The following DNAH8 variants were observed in gnomAD, a reference collection of about 807,000 sequenced individuals.
DNAH8 encodes the protein dynein axonemal heavy chain 8, also known as axonemal beta dynein heavy chain 8.
A neutral mutation model predicts 562.1 loss-of-function variants in DNAH8; 382 were observed. The observed-to-expected ratio is 0.68, with a 90% CI of 0.63 to 0.74. The LOEUF is 0.74. DNAH8 is among the 30% of genes least tolerant of loss of function. The pLI is 0.00. For missense variants in DNAH8, 5,203 were observed against 5,620.4 expected (o/e 0.93, Z 2.37); for synonymous variants, 1,881 against 1,919.4 (o/e 0.98, Z 0.52).
intron 8 of DNAH8, among the ~76,000 whole-genome samples, chr6:38,747,041 C>T (rs1262192194): frequency 6.6e-6 from 1 of 152,096 alleles, no homozygotes; most frequent in Non-Finnish European, 1.5e-5. Context: ...CTTCAGTTAA[C>T]TTGGAATTTA....
At chr6:38,874,530 CAGCTAATTTTT>C (rs1777839724) in intron 52 of DNAH8, among the ~76,000 whole-genome samples, 1 of 151,190 alleles carries the variant, frequency 6.6e-6, no homozygotes, top group African/African-American at 2.4e-5. Flanking sequence ...CCACCATGCC[CAGCTAATTTTT>C]AGATTTTTTA....
At chr6:38,760,483 G>C (rs1678678) in intron 10 of DNAH8, among the ~76,000 whole-genome samples, 14,487 of 145,710 alleles carry the variant, frequency 0.099, 1,294 homozygotes, top group East Asian at 0.45. Context: ...CATTTATCTT[G>C]TTCTACACTT....
chr6:38,906,536 G>A (rs1405066995), intron 63 of DNAH8, 129 bp downstream of exon 63: 6 of 712,638 alleles, frequency 8.4e-6, no homozygotes, highest in Admixed American at 7.3e-5. Context: ...GTTAATGTAC[G>A]AGATTTAGCA....
chr6:38,737,521 T>C (rs930430078), intron 6 of DNAH8, among the ~76,000 whole-genome samples: 4 of 151,590 alleles, frequency 2.6e-5, no homozygotes, highest in Admixed American at 2.6e-4. Context: ...AAATATATAC[T>C]TTATTATGAA....
chr6:38,742,963 C>T (rs1232361256), intron 8 of DNAH8, among the ~76,000 whole-genome samples: 4 of 145,154 alleles, frequency 2.8e-5, no homozygotes, highest in South Asian at 2.2e-4. Context: ...CCTGTTAGAT[C>T]GAGCTTGAGC....
chr6:38,716,396 A>T (rs868710390), intron 1 of DNAH8, among the ~76,000 whole-genome samples: 11 of 152,054 alleles, frequency 7.2e-5, no homozygotes, highest in South Asian at 2.1e-4. Flanking sequence ...CACTTTTCCC[A>T]AGATAGTTGT....
chr6:38,842,703 T>C lies in DNAH8; in HGVS notation c.4645T>C (p.Phe1549Leu), dbSNP rs756220469. 6.2e-7 allele frequency: 1 copy of C among 1,613,772 alleles called. No individual in the cohort carries two copies. Among genetic ancestry groups the C allele is most frequent in the African/African-American group, 1.3e-5 (1 of 75,044 alleles). The change falls in exon 35 of 93, where the codon TTT becomes CTT. Residue 1549 changes from phenylalanine (F) to leucine (L), a missense_variant. Physicochemically the swap from Phe to Leu is conservative, Grantham distance 22 (BLOSUM62 0). Around this residue, in one of 6 missense-constraint regions of DNAH8, gnomAD observed 2,176 missense variants for 2,365.1 expected, o/e 0.92. Coordinates refer to ENST00000327475, the MANE Select transcript of DNAH8 (RefSeq NM_001206927.2). Reference protein sequence around the residue: ...LPKGLKDWQAFLDLKKRIDDF... With the variant: ...LPKGLKDWQALLDLKKRIDDF... ...AAAAGGACTTAAAGATTGGCAAGCT[T>C]TTTTGGATCTCAAAAAGAGAATTGA...
At chr6:38,717,425 G>C (rs1468520324) in intron 1 of DNAH8, among the ~76,000 whole-genome samples, 1 of 152,078 alleles carries the variant, frequency 6.6e-6, no homozygotes, top group Admixed American at 6.6e-5. Context: ...CTGGGCTCAA[G>C]CTATCTTCCC....
At chr6:38,721,841 T>C (rs1005659507) in intron 1 of DNAH8, among the ~76,000 whole-genome samples, 6 of 152,228 alleles carry the variant, frequency 3.9e-5, no homozygotes, top group Non-Finnish European at 8.8e-5. Context: ...AGGCCAGGTC[T>C]GCATCTGTGT....
chr6:38,917,802 A>G, intron 69 of DNAH8, 123 bp from the exon 70 acceptor site: 1 of 715,652 alleles, frequency 1.4e-6, no homozygotes, highest in Non-Finnish European at 2.2e-6. Flanking sequence ...CAATAGTCTC[A>G]ATTTGTGTAT....
In DNAH8 at chr6:38,722,935, G is replaced by A. The variant is rs1562544899; in HGVS notation, c.126G>A (p.Pro42=). 6.8e-6 allele frequency: 11 copies of A among 1,612,650 alleles called. No individual in the cohort carries two copies. The highest frequency in any genetic ancestry group is 3.3e-5 in the Admixed American group (2 of 60,004). The change falls in exon 2 of 93, where the codon CCG becomes CCA. Residue 42 remains proline, a synonymous_variant. Transcript: ENST00000327475. ...EAPRPPTVEA[P]AEDGFSPSAE... ...CGCGCCCTCCGACAGTGGAGGCCCCGGCAGAAGATGGTTTCTCTCCTTCCG... is the reference window on the plus strand; with the variant it reads ...CGCGCCCTCCGACAGTGGAGGCCCCAGCAGAAGATGGTTTCTCTCCTTCCG...
chr6:38,794,897 TG>T (rs1770084693), intron 21 of DNAH8, among the ~76,000 whole-genome samples: 1 of 152,224 alleles, frequency 6.6e-6, no homozygotes, highest in Non-Finnish European at 1.5e-5. Context: ...AGCACTAATT[TG>T]GTGGATATAT....
At chr6:38,939,658 G>T (rs959067838) in intron 79 of DNAH8, among the ~76,000 whole-genome samples, 5 of 152,208 alleles carry the variant, frequency 3.3e-5, no homozygotes, top group Non-Finnish European at 7.3e-5. Context: ...AGGAGGGAAA[G>T]ATTACATGTG....
In DNAH8 at chr6:38,789,841, G is replaced by C. The variant is rs1289726148; in HGVS notation, c.2622G>C (p.Val874=). The stretch of plus-strand genomic sequence containing the variant: ...ATTATGATGAGTTATGTCAGGAAGT[G>C]CCTTCTGTGTTTGTCAATCTGATGA... ...LQYYDELCQE[V]PSVFVNLMTP... is the part of the protein sequence containing the mutation. The change falls in exon 19 of 93, where the codon GTG becomes GTC. Residue 874 remains valine, a synonymous_variant. Coordinates refer to ENST00000327475, the MANE Select transcript of DNAH8 (RefSeq NM_001206927.2). 2 of 1,613,338 alleles carry C rather than the reference G, an allele frequency of 1.2e-6. No homozygotes were observed. The highest frequency in any genetic ancestry group is 2.2e-5 in the East Asian group (1 of 44,816).
At chr6:38,943,988 G>A (rs1187750369) in intron 79 of DNAH8, among the ~76,000 whole-genome samples, 2 of 152,110 alleles carry the variant, frequency 1.3e-5, no homozygotes, top group Admixed American at 6.5e-5. Context: ...ATATTTTGGG[G>A]GAATAGGAAG....
intron 41 of DNAH8, among the ~76,000 whole-genome samples, chr6:38,856,437 CT>C (rs1475137242): frequency 6.6e-6 from 1 of 152,118 alleles, no homozygotes; most frequent in Non-Finnish European, 1.5e-5. Context: ...TATGCAGTGG[CT>C]TTTGGGGTCT....
chr6:38,765,045 A>G (rs1307341491), intron 11 of DNAH8, among the ~76,000 whole-genome samples: 1 of 152,220 alleles, frequency 6.6e-6, no homozygotes, highest in Non-Finnish European at 1.5e-5. Context: ...CATGTTGGCC[A>G]GGCTGGTCTT....
At chr6:38,961,121 T>C (rs2150665125) in intron 82 of DNAH8, among the ~76,000 whole-genome samples, 1 of 152,044 alleles carries the variant, frequency 6.6e-6, no homozygotes, top group African/African-American at 2.4e-5. Flanking sequence ...CTCTTGAGAA[T>C]CTAACAAATT....
intron 23 of DNAH8, among the ~76,000 whole-genome samples, chr6:38,806,086 T>G (rs537462474): frequency 6.6e-6 from 1 of 152,302 alleles, no homozygotes; most frequent in South Asian, 2.1e-4. Context: ...TGAAATGTGT[T>G]GAGAATGAAG....
Sources: allele counts gnomAD v4.1 joint callset (sites outside exome capture counted in the v4.1 genomes callset), GRCh38; gene constraint gnomAD v4.1.1; regional missense constraint gnomAD v4.1.1; transcripts MANE v1.5; gene names NCBI Gene and HGNC (gene_info 2026-07-23, HGNC 2026-07-21).